NELL1: variants seen among roughly 807,000 people sequenced by gnomAD.
NELL1 encodes protein kinase C-binding protein NELL1.
NELL1 carries 76 observed loss-of-function variants against 107.4 expected under a neutral mutation model. The ratio of observed to expected loss-of-function variants is 0.71; its 90% CI spans 0.59 to 0.86. The LOEUF is 0.86. Among genes scored for constraint, NELL1 ranks in the 40% least tolerant of loss-of-function variants. The pLI is 0.00. For synonymous variants in NELL1, 353 were observed against 341.2 expected (o/e 1.03, Z -0.38); for missense variants, 1,024 against 1,005.5 (o/e 1.02, Z -0.25).
intron 12 of NELL1, among the ~76,000 whole-genome samples, chr11:20,973,282 A>G (rs1402940035): frequency 1.3e-5 from 2 of 151,544 alleles, no homozygotes; most frequent in African/African-American, 4.8e-5. Context: ...CTAATTTTGT[A>G]TTTTTAGAAG....
intron 7 of NELL1, among the ~76,000 whole-genome samples, chr11:20,923,939 T>C (rs1298580179): frequency 6.6e-6 from 1 of 152,200 alleles, no homozygotes; most frequent in Non-Finnish European, 1.5e-5. Flanking sequence ...TACTTAGATC[T>C]GTTCATTGAC....
chr11:20,929,094 G>T (rs1216994389), intron 9 of NELL1, among the ~76,000 whole-genome samples: 1 of 152,210 alleles, frequency 6.6e-6, no homozygotes, highest in Non-Finnish European at 1.5e-5. Context: ...TGAGGCTTAG[G>T]GATATTAGCT....
chr11:21,473,054 G>A (rs1854224217), intron 15 of NELL1, among the ~76,000 whole-genome samples: 1 of 151,986 alleles, frequency 6.6e-6, no homozygotes, highest in Non-Finnish European at 1.5e-5. Flanking sequence ...AATCCAAGGT[G>A]GGAAGTGCTC....
At chr11:20,899,348 C>T (rs545273330) in intron 5 of NELL1, among the ~76,000 whole-genome samples, 20 of 152,236 alleles carry the variant, frequency 1.3e-4, no homozygotes, top group African/African-American at 4.6e-4. Context: ...AACCTCCCAC[C>T]TTTGTATGTT....
chr11:20,711,931 TA>T (rs1379619643), intron 2 of NELL1, among the ~76,000 whole-genome samples: 1 of 152,158 alleles, frequency 6.6e-6, no homozygotes, highest in African/African-American at 2.4e-5. Context: ...AGATCTTTAG[TA>T]AGATGCCTAG....
At chr11:20,907,011 A>G (rs1335080375) in intron 5 of NELL1, among the ~76,000 whole-genome samples, 1 of 152,086 alleles carries the variant, frequency 6.6e-6, no homozygotes, top group Non-Finnish European at 1.5e-5. Context: ...AAAAATAAGT[A>G]AATGCATTCA....
chr11:21,280,245 G>A (rs1429382216), intron 14 of NELL1, among the ~76,000 whole-genome samples: 1 of 152,112 alleles, frequency 6.6e-6, no homozygotes, highest in Non-Finnish European at 1.5e-5. Flanking sequence ...TTGGTTCATT[G>A]GTTATAAAAA....
intron 16 of NELL1, among the ~76,000 whole-genome samples, chr11:21,537,998 T>G (rs1156903641): frequency 1.3e-5 from 2 of 152,176 alleles, no homozygotes; most frequent in Admixed American, 6.6e-5. Context: ...TGACGTACTC[T>G]GGATCTTAAT....
At chr11:20,828,402 C>T (rs553566504) in intron 3 of NELL1, among the ~76,000 whole-genome samples, 20 of 152,298 alleles carry the variant, frequency 1.3e-4, no homozygotes, top group South Asian at 4.1e-4. Context: ...ATATAACTTG[C>T]AAACACTAGA....
intron 2 of NELL1, among the ~76,000 whole-genome samples, chr11:20,749,587 A>C (rs75398347): frequency 0.034 from 5,203 of 152,146 alleles, 293 homozygotes; most frequent in African/African-American, 0.12. Flanking sequence ...GGTGACAGAG[A>C]AAGACCCTTT....
chr11:21,037,619 A>G (rs1853127505), intron 12 of NELL1, among the ~76,000 whole-genome samples: 2 of 152,114 alleles, frequency 1.3e-5, no homozygotes, highest in South Asian at 4.1e-4. Flanking sequence ...TTTTGAGAAA[A>G]TCTAAATCCT....
intron 2 of NELL1, among the ~76,000 whole-genome samples, chr11:20,690,244 C>T (rs912060021): frequency 2.0e-3 from 310 of 151,872 alleles, no homozygotes; most frequent in African/African-American, 7.2e-3. Context: ...CCTGTTCACT[C>T]TGATGGTAGT....
chr11:21,107,837 G>T (rs1855007450), intron 12 of NELL1, among the ~76,000 whole-genome samples: 1 of 152,186 alleles, frequency 6.6e-6, no homozygotes, highest in Non-Finnish European at 1.5e-5. Flanking sequence ...AAGGTCTTGA[G>T]AAGAAAAGTG....
In NELL1 at chr11:21,381,122, C is replaced by T. The variant is rs183417382; in HGVS notation, c.1645+10174C>T. ...TACACTTTGCTTTATAATCTGCTAC[C>T]TCGTGATCATTTTGTCTGTGCCCAA... On this transcript the variant is annotated intron_variant, in intron 15 of 19. Transcript: ENST00000357134. Among the ~76,000 whole-genome samples the T allele has an allele frequency of 2.0e-3, 309 of 152,080 alleles. 1 individual carries two copies. Among genetic ancestry groups the T allele is most frequent in the Admixed American group, 3.5e-3 (53 of 15,238 alleles).
At chr11:21,529,486 T>C (rs1855943987) in intron 15 of NELL1, among the ~76,000 whole-genome samples, 1 of 152,120 alleles carries the variant, frequency 6.6e-6, no homozygotes, top group Non-Finnish European at 1.5e-5. Context: ...AATAAGCAGG[T>C]TTGTGTTTGC....
At position 21,544,097 on chromosome 11, in the gene NELL1, C is replaced by A. The variant is rs1053914783; in HGVS notation, c.1786+9583C>A. Reference sequence around the variant, plus strand: ...AAAAAACTACAACTTTGGACCATGACATGAAGCAATACAGGCATATGGGGA... The same window carrying A: ...AAAAAACTACAACTTTGGACCATGAAATGAAGCAATACAGGCATATGGGGA... On this transcript the variant is annotated intron_variant, in intron 16 of 19. Coordinates refer to ENST00000357134, the MANE Select transcript of NELL1 (RefSeq NM_006157.5). Among the ~76,000 whole-genome samples, 3 of 152,072 alleles carry A rather than the reference C, an allele frequency of 2.0e-5. No individual in the cohort carries two copies. In the East Asian group the frequency reaches 5.8e-4, roughly 30 times the overall value.
intron 14 of NELL1, among the ~76,000 whole-genome samples, chr11:21,347,446 C>CA (rs763273761): frequency 2.0e-5 from 3 of 152,094 alleles, no homozygotes; most frequent in African/African-American, 4.8e-5. Context: ...CTACTAAATA[C>CA]AAAAAATTAG....
intron 15 of NELL1, among the ~76,000 whole-genome samples, chr11:21,440,675 C>A (rs1590933910): frequency 6.6e-6 from 1 of 151,898 alleles, no homozygotes; most frequent in Admixed American, 6.6e-5. Context: ...TTTATTAATT[C>A]ACTGGTGAGA....
At chr11:21,109,834 T>C (rs1015415830) in intron 12 of NELL1, among the ~76,000 whole-genome samples, 2 of 152,152 alleles carry the variant, frequency 1.3e-5, no homozygotes, top group South Asian at 2.1e-4. Context: ...ATTCCTTTTT[T>C]ACTCCGTTTA....
Sources: allele counts gnomAD v4.1 joint callset (sites outside exome capture counted in the v4.1 genomes callset), GRCh38; gene constraint gnomAD v4.1.1; transcripts MANE v1.5; gene names NCBI Gene and HGNC (gene_info 2026-07-23, HGNC 2026-07-21).